Variants in MATN2 observed in about 807,000 individuals in gnomAD.
MATN2 encodes the protein matrilin-2.
A neutral mutation model predicts 103.2 loss-of-function variants in MATN2; 69 were observed. That is an observed-to-expected ratio of 0.67 (90% CI 0.55 to 0.82). The LOEUF (loss-of-function observed/expected upper bound fraction) is 0.82. Ranked by LOEUF, MATN2 falls within the 40% of genes least tolerant of loss-of-function variation. MATN2 has a pLI of 0.00. For synonymous variants in MATN2, 429 were observed against 450.2 expected (o/e 0.95, Z 0.60); for missense variants, 1,023 against 1,211.5 (o/e 0.84, Z 2.31).
intron 2 of MATN2, among the ~76,000 whole-genome samples, chr8:97,914,216 C>CT (rs1010493906): frequency 6.6e-6 from 1 of 151,986 alleles, no homozygotes; most frequent in Admixed American, 6.6e-5. Flanking sequence ...GGGGTCAGGC[C>CT]TGGAGAGATT....
intron 2 of MATN2, among the ~76,000 whole-genome samples, chr8:97,926,331 A>G (rs2130124595): frequency 6.6e-6 from 1 of 152,332 alleles, no homozygotes; most frequent in Middle Eastern, 3.4e-3. Flanking sequence ...CATAAGAAGA[A>G]CACACACCAA....
At chr8:97,965,290 C>G (rs1376891654) in intron 5 of MATN2, among the ~76,000 whole-genome samples, 6 of 152,128 alleles carry the variant, frequency 3.9e-5, no homozygotes, top group Non-Finnish European at 7.3e-5. Flanking sequence ...AAAAGAGCCA[C>G]CGAAGGGTTT....
intron 6 of MATN2, among the ~76,000 whole-genome samples, chr8:97,993,307 A>T (rs549070535): frequency 1.3e-5 from 2 of 152,298 alleles, no homozygotes; most frequent in Admixed American, 6.5e-5. Context: ...ATGCAGTTCA[A>T]ATGTTCCTTA....
rs532724580 is a variant in MATN2, at chr8:97,998,781, T to C, written c.1204+4179T>C. 5.2e-4 allele frequency among the ~76,000 whole-genome samples: 79 copies of C among 152,192 alleles called. 1 individual carries two copies. The South Asian group carries it at 0.015, about 30-fold the overall frequency. ...TGTATACTTGTATACAATATGTTGT[T>C]TTGCAATACGTAAATATAAATTTTT... On this transcript the variant is annotated intron_variant, in intron 7 of 18. Coordinates refer to ENST00000254898, the MANE Select transcript of MATN2 (RefSeq NM_002380.5).
At chr8:97,882,130 G>C (rs1818277271) in intron 1 of MATN2, among the ~76,000 whole-genome samples, 3 of 150,836 alleles carry the variant, frequency 2.0e-5, no homozygotes, top group African/African-American at 7.3e-5. Flanking sequence ...CACAATGTTG[G>C]CCAGGCTGGT....
At chr8:97,936,188 C>T (rs1342596987) in intron 3 of MATN2, among the ~76,000 whole-genome samples, 1 of 152,160 alleles carries the variant, frequency 6.6e-6, no homozygotes, top group African/African-American at 2.4e-5. Context: ...TTTTGCCACC[C>T]AGTAAGAGAA....
intron 10 of MATN2, among the ~76,000 whole-genome samples, chr8:98,014,834 G>A (rs931290283): frequency 6.6e-6 from 1 of 152,160 alleles, no homozygotes; most frequent in Admixed American, 6.5e-5. Context: ...CAAAAAAAGT[G>A]TGTGGTTTGT....
At chr8:97,870,048 G>C (rs1188563506) in intron 1 of MATN2, among the ~76,000 whole-genome samples, 2 of 152,102 alleles carry the variant, frequency 1.3e-5, no homozygotes, top group East Asian at 3.9e-4. Context: ...TAAGGAATGG[G>C]GCAGTCAAGA....
At chr8:97,925,246 C>T (rs564082220) in intron 2 of MATN2, among the ~76,000 whole-genome samples, 14 of 152,200 alleles carry the variant, frequency 9.2e-5, no homozygotes, top group South Asian at 2.1e-4. Flanking sequence ...GAAGTACGGC[C>T]GCTGGGATTG....
chr8:97,902,074 G>C (rs541070023), intron 2 of MATN2, among the ~76,000 whole-genome samples: 43 of 152,068 alleles, frequency 2.8e-4, no homozygotes, highest in Admixed American at 2.8e-3. Context: ...TGTTGCCCAG[G>C]CTGGTCTCGA....
intron 13 of MATN2, among the ~76,000 whole-genome samples, chr8:98,026,195 A>G (rs1813797456): frequency 7.5e-6 from 1 of 134,102 alleles, no homozygotes; most frequent in South Asian, 2.3e-4. Context: ...AAAAAAAAAA[A>G]AAAAATGCCT....
intron 5 of MATN2, among the ~76,000 whole-genome samples, chr8:97,967,502 A>T (rs1811521279): frequency 1.3e-5 from 2 of 152,218 alleles, no homozygotes; most frequent in South Asian, 4.1e-4. Context: ...CACTGGGTAA[A>T]TATTCTCATT....
intron 8 of MATN2, among the ~76,000 whole-genome samples, chr8:98,004,860 T>C (rs1412940061): frequency 6.6e-6 from 1 of 152,200 alleles, no homozygotes; most frequent in African/African-American, 2.4e-5. Flanking sequence ...GGCGGCTCCA[T>C]GGTTTTTTAT....
chr8:97,946,601 C>T (rs1193066633), intron 4 of MATN2, among the ~76,000 whole-genome samples: 1 of 152,120 alleles, frequency 6.6e-6, no homozygotes, highest in African/African-American at 2.4e-5. Context: ...TAAGAAAGAA[C>T]TTTATCTTGT....
chr8:97,988,132 A>C (rs1812256747), intron 6 of MATN2, among the ~76,000 whole-genome samples: 1 of 135,462 alleles, frequency 7.4e-6, no homozygotes, highest in Non-Finnish European at 1.6e-5. Flanking sequence ...CAGCCTGGGC[A>C]ACATAGAGCC....
At chr8:97,954,119 C>T (rs1390301824) in intron 4 of MATN2, among the ~76,000 whole-genome samples, 2 of 152,136 alleles carry the variant, frequency 1.3e-5, no homozygotes, top group Non-Finnish European at 2.9e-5. Context: ...CGTTACCCAG[C>T]TGGGGCCAAG....
chr8:97,977,004 G>A (rs1162235051), intron 5 of MATN2, among the ~76,000 whole-genome samples: 1 of 152,160 alleles, frequency 6.6e-6, no homozygotes, highest in East Asian at 1.9e-4. Context: ...AGGAGGCTGA[G>A]GCCAGTGGAT....
chr8:97,914,904 T>C (rs1809570271), intron 2 of MATN2, among the ~76,000 whole-genome samples: 1 of 152,204 alleles, frequency 6.6e-6, no homozygotes, highest in South Asian at 2.1e-4. Flanking sequence ...ACTCATCACC[T>C]TGTCCAGGGA....
At chr8:97,961,277 G>A (rs1414556867) in intron 4 of MATN2, 131 bp from the exon 5 acceptor site, 60 of 866,480 alleles carry the variant, frequency 6.9e-5, no homozygotes, top group East Asian at 1.1e-4. Context: ...CTATGATCAC[G>A]TATCAAACCT....
Sources: allele counts gnomAD v4.1 joint callset (sites outside exome capture counted in the v4.1 genomes callset), GRCh38; gene constraint gnomAD v4.1.1; transcripts MANE v1.5; gene names NCBI Gene and HGNC (gene_info 2026-07-23, HGNC 2026-07-21).